The following RAD52 variants were observed in gnomAD, a reference collection of about 807,000 sequenced individuals.
The protein encoded by RAD52 is RAD52 DNA repair protein.
In RAD52, 47 loss-of-function variants were observed where a neutral mutation model predicts 55.5. The ratio of observed to expected loss-of-function variants is 0.85; its 90% confidence interval spans 0.67 to 1.08. RAD52 has a LOEUF of 1.08. RAD52 is among the 50% of genes least tolerant of loss of function. The pLI is 0.00. For missense variants in RAD52, 468 were observed against 522.8 expected (o/e 0.90, Z 1.02); for synonymous variants, 184 against 198.9 (o/e 0.92, Z 0.63).
chr12:957,514 G>A (rs1235446680), intron 1 of RAD52, among the ~76,000 whole-genome samples: 1 of 148,072 alleles, frequency 6.8e-6, no homozygotes, highest in African/African-American at 2.5e-5. Context: ...GTATGGGCAC[G>A]GTGGCTCATG....
At chr12:981,771 T>TAAATAAAATAAAATAAAATA (rs59388253) in intron 1 of RAD52, among the ~76,000 whole-genome samples, 42,065 of 139,306 alleles carry the variant, frequency 0.3, 7,893 homozygotes, top group East Asian at 0.65. Context: ...AATAAATAAA[T>TAAATAAAATAAAATAAAATA]AAATAAAATA....
intron 1 of RAD52, among the ~76,000 whole-genome samples, chr12:959,590 T>C (rs374870576): frequency 2.0e-5 from 3 of 152,284 alleles, no homozygotes; most frequent in Non-Finnish European, 4.4e-5. Context: ...ACTTCGTACA[T>C]TTAAATTTTC....
At chr12:935,908 G>A (rs7968028) in intron 1 of RAD52, among the ~76,000 whole-genome samples, 39,515 of 148,706 alleles carry the variant, frequency 0.27, 5,411 homozygotes, top group East Asian at 0.38. Flanking sequence ...AACTAGAGAC[G>A]GGGTTTCACC....
chr12:973,478 A>C (rs1958895545), intron 1 of RAD52, among the ~76,000 whole-genome samples: 1 of 150,974 alleles, frequency 6.6e-6, no homozygotes, highest in Non-Finnish European at 1.5e-5. Context: ...GGTAGATCTG[A>C]CAGGATTTTT....
chr12:977,409 G>A (rs991213516), intron 1 of RAD52, among the ~76,000 whole-genome samples: 1 of 152,154 alleles, frequency 6.6e-6, no homozygotes, highest in Non-Finnish European at 1.5e-5. Context: ...CTGCCATTTT[G>A]CACCTTACCA....
chr12:913,009 T>C lies in RAD52; in HGVS notation c.*382A>G. 1 of 233,572 alleles carries C rather than the reference T, an allele frequency of 4.3e-6. No individual in the cohort carries two copies. The highest frequency in any genetic ancestry group is 5.6e-5 in the Admixed American group (1 of 17,852). 14.5% of individuals were successfully genotyped at this position (233,572 alleles called of 1,614,324 possible). A position where few individuals can be genotyped will look rare whatever the true frequency, so the allele number is the denominator to read the frequency against. Reference sequence around the variant, plus strand: ...GCAGACGTTATGCAAAACAACTGAATGTAGACAATTGCTGAGGCAGGTGCT... The same window carrying C: ...GCAGACGTTATGCAAAACAACTGAACGTAGACAATTGCTGAGGCAGGTGCT... On this transcript the variant is annotated 3_prime_UTR_variant, in exon 12 of 12. Coordinates refer to ENST00000358495, the MANE Select transcript of RAD52 (RefSeq NM_134424.4).
chr12:974,852 A>G (rs1470036338), intron 1 of RAD52: 2 of 152,190 alleles, frequency 1.3e-5, no homozygotes, highest in Non-Finnish European at 2.9e-5. Context: ...TTTACATCAT[A>G]ATATGAACCT....
chr12:965,906 G>A (rs548250247), intron 1 of RAD52, among the ~76,000 whole-genome samples: 31 of 152,028 alleles, frequency 2.0e-4, no homozygotes, highest in Admixed American at 9.2e-4. Flanking sequence ...GGCTGATCTC[G>A]AACTGCTGAC....
In RAD52 at chr12:923,991, A is replaced by G. The variant is rs184912144; in HGVS notation, c.543+1459T>C. Among the ~76,000 whole-genome samples, 1,123 of 151,870 alleles carry G rather than the reference A, an allele frequency of 7.4e-3. 11 individuals carry two copies. The highest frequency in any genetic ancestry group is 0.026 in the African/African-American group (1,067 of 41,430). On this transcript the variant is annotated intron_variant, in intron 7 of 11. Coordinates refer to ENST00000358495, the MANE Select transcript of RAD52 (RefSeq NM_134424.4). Reference sequence around the variant, plus strand: ...GGAGAATGGCATGAACCCGGGAGGCAGAGGTTGCAGTGAGCTGAGATCACA... The same window carrying G: ...GGAGAATGGCATGAACCCGGGAGGCGGAGGTTGCAGTGAGCTGAGATCACA...
chr12:954,351 G>T (rs986271780), upstream of RAD52, among the ~76,000 whole-genome samples: 1 of 152,096 alleles, frequency 6.6e-6, no homozygotes, highest in African/African-American at 2.4e-5. Flanking sequence ...ACAATAACAG[G>T]CTGGGCGCGG....
intron 1 of RAD52, among the ~76,000 whole-genome samples, chr12:946,744 G>A (rs11064608): frequency 0.025 from 3,879 of 152,268 alleles, 87 homozygotes; most frequent in Non-Finnish European, 0.039. Flanking sequence ...AGCTGAAACA[G>A]GAAGGCAGAG....
At chr12:953,114 G>A (rs957001775), upstream of RAD52, among the ~76,000 whole-genome samples, 8 of 149,140 alleles carry the variant, frequency 5.4e-5, no homozygotes, top group Middle Eastern at 3.4e-3. Flanking sequence ...AGACCACCCT[G>A]GCCAGCATGT....
At chr12:920,430 G>A (rs12296707) in intron 7 of RAD52, among the ~76,000 whole-genome samples, 3,712 of 142,142 alleles carry the variant, frequency 0.026, 930 homozygotes, top group African/African-American at 0.094. Flanking sequence ...GGTGGCGGGC[G>A]CCTGTAGTCC....
intron 7 of RAD52, among the ~76,000 whole-genome samples, chr12:917,326 C>T (rs1592319297): frequency 1.3e-5 from 2 of 152,186 alleles, no homozygotes; most frequent in Admixed American, 6.5e-5. Context: ...TCTTCCAGAA[C>T]GGGGCTGCTC....
chr12:942,154 T>C (rs1858408626), intron 1 of RAD52, among the ~76,000 whole-genome samples: 1 of 152,100 alleles, frequency 6.6e-6, no homozygotes, highest in Non-Finnish European at 1.5e-5. Context: ...ACATCAAGCT[T>C]GAAAACAACA....
At position 911,788 on chromosome 12, in the gene RAD52, C is replaced by T. The variant is rs750384537; in HGVS notation, c.*1603G>A. Among the ~76,000 whole-genome samples the T allele has an allele frequency of 3.3e-5, 5 of 152,096 alleles. No homozygotes were observed. The highest frequency in any genetic ancestry group is 1.9e-4 in the East Asian group (1 of 5,192). ...TCTAGTACTTTTTACTTTGGGAGGC[C>T]GAGGTGGGCAGATCACTTGAGGTCA... On this transcript the variant is annotated 3_prime_UTR_variant, in exon 12 of 12. Transcript: ENST00000358495.
intron 1 of RAD52, chr12:977,164 A>T (rs895465671): frequency 6.6e-6 from 1 of 151,990 alleles, no homozygotes; most frequent in Non-Finnish European, 1.5e-5. Context: ...AAAATTCAGT[A>T]CTCTGCCTGA....
chr12:916,264 CCG>C, intron 9 of RAD52, 78 bp downstream of exon 9: 1 of 1,568,938 alleles, frequency 6.4e-7, no homozygotes, highest in East Asian at 2.2e-5. Flanking sequence ...CCCAGGGTTA[CCG>C]CAGAGAATCA....
chr12:987,735 A>C (rs1959104718), intron 1 of RAD52, among the ~76,000 whole-genome samples: 1 of 150,974 alleles, frequency 6.6e-6, no homozygotes, highest in African/African-American at 2.4e-5. Context: ...TTATTTTTGT[A>C]TTTTTTTGTA....
Sources: gnomAD v4.1 joint callset for allele counts (sites outside exome capture counted in the v4.1 genomes callset) on GRCh38, gnomAD v4.1.1 for gene constraint, MANE v1.5 for transcripts, NCBI Gene and HGNC (gene_info 2026-07-23, HGNC 2026-07-21) for gene names.